The following PCDH9 variants were observed in gnomAD, a reference collection of about 807,000 sequenced individuals.
The protein encoded by PCDH9 is protocadherin-9.
A neutral mutation model predicts 70.6 loss-of-function variants in PCDH9; 24 were observed. The observed-to-expected ratio is 0.34, with a 90% CI of 0.25 to 0.48. The LOEUF is 0.48. PCDH9 is among the 20% of genes least tolerant of loss of function. The pLI, the probability that PCDH9 is intolerant of heterozygous loss-of-function variation, is 0.99. For missense variants in PCDH9, 1,281 were observed against 1,503.6 expected (o/e 0.85, Z 2.45); for synonymous variants, 562 against 558.5 (o/e 1.01, Z -0.09).
chr13:67,009,349 G>A (rs1425174541), intron 2 of PCDH9, among the ~76,000 whole-genome samples: 1 of 152,044 alleles, frequency 6.6e-6, no homozygotes, highest in Non-Finnish European at 1.5e-5. Context: ...TGTACTTAGT[G>A]CAAATTTCTT....
chr13:66,314,926 T>G (rs1045994520), intron 4 of PCDH9, among the ~76,000 whole-genome samples: 1 of 152,202 alleles, frequency 6.6e-6, no homozygotes, highest in Non-Finnish European at 1.5e-5. Flanking sequence ...CAGTTGTGTT[T>G]TAGTTAATCA....
chr13:66,836,167 T>C (rs2081013806), intron 3 of PCDH9, among the ~76,000 whole-genome samples: 2 of 152,246 alleles, frequency 1.3e-5, no homozygotes, highest in Non-Finnish European at 2.9e-5. Context: ...GAATTTGATA[T>C]TGTCCACAAT....
chr13:66,919,558 C>T (rs1475224465), intron 2 of PCDH9, among the ~76,000 whole-genome samples: 1 of 151,244 alleles, frequency 6.6e-6, no homozygotes, highest in African/African-American at 2.4e-5. Context: ...CCACACATTA[C>T]ATTGCCATTC....
At chr13:66,550,442 T>G (rs1156267095) in intron 4 of PCDH9, among the ~76,000 whole-genome samples, 1 of 152,120 alleles carries the variant, frequency 6.6e-6, no homozygotes, top group East Asian at 1.9e-4. Flanking sequence ...GTTGGTTATG[T>G]GGACACCCTG....
chr13:66,803,963 G>C (rs2080369267), intron 3 of PCDH9, among the ~76,000 whole-genome samples: 1 of 152,120 alleles, frequency 6.6e-6, no homozygotes, highest in Admixed American at 6.5e-5. Flanking sequence ...TGGCTCACTG[G>C]GTGCCAGGGG....
intron 2 of PCDH9, among the ~76,000 whole-genome samples, chr13:67,064,086 C>A (rs963030249): frequency 1.4e-4 from 22 of 152,044 alleles, no homozygotes; most frequent in Non-Finnish European, 2.9e-5. Context: ...CCATCTGGTC[C>A]CAACTGTTAA....
At chr13:66,348,363 G>T (rs1474430452) in intron 4 of PCDH9, among the ~76,000 whole-genome samples, 1 of 149,876 alleles carries the variant, frequency 6.7e-6, no homozygotes, top group Non-Finnish European at 1.5e-5. Flanking sequence ...TCATAAACAA[G>T]AAAAAAATTT....
intron 2 of PCDH9, among the ~76,000 whole-genome samples, chr13:67,077,681 C>A (rs1255883713): frequency 1.3e-5 from 2 of 152,108 alleles, no homozygotes; most frequent in African/African-American, 2.4e-5. Context: ...GGAATCATTT[C>A]TCTTCCCATT....
intron 3 of PCDH9, among the ~76,000 whole-genome samples, chr13:66,710,786 C>T (rs2078781619): frequency 6.6e-6 from 1 of 151,768 alleles, no homozygotes. Flanking sequence ...TTAAAGCCTG[C>T]CTGTATTCAT....
intron 3 of PCDH9, among the ~76,000 whole-genome samples, chr13:66,650,175 T>C (rs1319872009): frequency 2.0e-5 from 3 of 151,364 alleles, no homozygotes; most frequent in East Asian, 1.9e-4. Flanking sequence ...AACTGTCCAA[T>C]CAAAAAAAAT....
intron 3 of PCDH9, among the ~76,000 whole-genome samples, chr13:66,762,743 A>C (rs1319574990): frequency 1.3e-5 from 2 of 151,942 alleles, no homozygotes; most frequent in African/African-American, 2.4e-5. Context: ...TAAACAGATC[A>C]TTTCTAGGTT....
chr13:67,123,750 A>G (rs1300297309), intron 2 of PCDH9, among the ~76,000 whole-genome samples: 3 of 152,226 alleles, frequency 2.0e-5, no homozygotes, highest in African/African-American at 7.2e-5. Flanking sequence ...TTGGTTCCAA[A>G]TATTAAAAAG....
At chr13:66,954,738 TG>T (rs895955955) in intron 2 of PCDH9, among the ~76,000 whole-genome samples, 5 of 152,134 alleles carry the variant, frequency 3.3e-5, no homozygotes, top group African/African-American at 9.7e-5. Context: ...GTCCTAAACT[TG>T]CTCTTCCTGA....
chr13:66,437,901 G>A (rs1210709208), intron 4 of PCDH9, among the ~76,000 whole-genome samples: 1 of 152,096 alleles, frequency 6.6e-6, no homozygotes, highest in Non-Finnish European at 1.5e-5. Context: ...ACGTTGTTTC[G>A]TGATCTGGGT....
At chr13:66,848,078 A>G (rs2081244625) in intron 3 of PCDH9, among the ~76,000 whole-genome samples, 1 of 152,168 alleles carries the variant, frequency 6.6e-6, no homozygotes, top group African/African-American at 2.4e-5. Context: ...AAGAAACACC[A>G]ATCTCCTGTA....
At chr13:66,606,124 T>G (rs538179192) in intron 4 of PCDH9, among the ~76,000 whole-genome samples, 4 of 146,870 alleles carry the variant, frequency 2.7e-5, no homozygotes, top group African/African-American at 7.5e-5. Context: ...ATCTACTCAC[T>G]TATTTTTTTT....
intron 4 of PCDH9, among the ~76,000 whole-genome samples, chr13:66,445,195 G>A (rs1348062813): frequency 6.9e-6 from 1 of 145,570 alleles, no homozygotes; most frequent in Non-Finnish European, 1.5e-5. Context: ...TCACCATGTA[G>A]TACACTTCAA....
intron 4 of PCDH9, among the ~76,000 whole-genome samples, chr13:66,432,265 G>T (rs1277235779): frequency 6.6e-6 from 1 of 151,938 alleles, no homozygotes; most frequent in Non-Finnish European, 1.5e-5. Flanking sequence ...ATGAATACAA[G>T]AATGTAGCAG....
At chr13:67,156,280 G>A (rs999539638) in intron 2 of PCDH9, among the ~76,000 whole-genome samples, 19 of 152,122 alleles carry the variant, frequency 1.2e-4, no homozygotes. Context: ...GTAGAGGAGC[G>A]GATCAGCAGA....
Sources: gnomAD v4.1 joint callset for allele counts (sites outside exome capture counted in the v4.1 genomes callset) on GRCh38, gnomAD v4.1.1 for gene constraint, MANE v1.5 for transcripts, NCBI Gene and HGNC (gene_info 2026-07-23, HGNC 2026-07-21) for gene names.